Variants in GPR158 observed in about 807,000 individuals in gnomAD.
The protein encoded by GPR158 is metabotropic glycine receptor.
GPR158 carries 30 observed loss-of-function variants against 78.2 expected under a neutral mutation model. The ratio of observed to expected loss-of-function variants is 0.38; its 90% confidence interval spans 0.29 to 0.52. The LOEUF is 0.52. GPR158 is among the 20% of genes least tolerant of loss of function. The probability of loss-of-function intolerance (pLI) is 0.83; values close to 1 mark genes in which losing one functional copy is unlikely to be tolerated. For synonymous variants in GPR158, 581 were observed against 591.1 expected (o/e 0.98, Z 0.25); for missense variants, 1,463 against 1,523.5 (o/e 0.96, Z 0.66).
At chr10:25,299,409 C>T (rs1854560385) in intron 2 of GPR158, among the ~76,000 whole-genome samples, 1 of 152,140 alleles carries the variant, frequency 6.6e-6, no homozygotes, top group South Asian at 2.1e-4. Flanking sequence ...CCTGTTCTCC[C>T]ATCTCATTAA....
intron 5 of GPR158, among the ~76,000 whole-genome samples, chr10:25,469,545 G>C (rs1312252901): frequency 6.6e-6 from 1 of 152,062 alleles, no homozygotes; most frequent in African/African-American, 2.4e-5. Flanking sequence ...CAGCACTTTG[G>C]GAGGCCAAGT....
chr10:25,455,978 C>T (rs557109353), intron 4 of GPR158, among the ~76,000 whole-genome samples: 4 of 152,262 alleles, frequency 2.6e-5, no homozygotes, highest in East Asian at 3.9e-4. Flanking sequence ...TGAGGCAAAT[C>T]GGAATCCAAC....
intron 4 of GPR158, among the ~76,000 whole-genome samples, chr10:25,451,145 C>T (rs1204027968): frequency 1.3e-5 from 2 of 152,138 alleles, no homozygotes; most frequent in Non-Finnish European, 2.9e-5. Context: ...TGCAGATATG[C>T]ACACAAATCA....
chr10:25,361,209 A>T (rs1855634349), intron 2 of GPR158, among the ~76,000 whole-genome samples: 1 of 151,904 alleles, frequency 6.6e-6, no homozygotes, highest in African/African-American at 2.4e-5. Context: ...TGAGTGTCTT[A>T]TTTCACATAG....
intron 2 of GPR158, among the ~76,000 whole-genome samples, chr10:25,302,073 T>C (rs1854604755): frequency 6.7e-6 from 1 of 148,242 alleles, no homozygotes; most frequent in Non-Finnish European, 1.5e-5. Flanking sequence ...GTTCCTTTTT[T>C]TTTTTTTTTT....
At chr10:25,187,349 A>G (rs1201794423) in intron 1 of GPR158, among the ~76,000 whole-genome samples, 1 of 152,212 alleles carries the variant, frequency 6.6e-6, no homozygotes, top group Admixed American at 6.5e-5. Flanking sequence ...TTTTAGGCCA[A>G]TATCCCTGAT....
chr10:25,473,336 G>A (rs1272618653), intron 5 of GPR158, among the ~76,000 whole-genome samples: 2 of 152,130 alleles, frequency 1.3e-5, no homozygotes. Context: ...GCTTTTTGAT[G>A]TGCTGCTGGA....
At position 25,520,375 on chromosome 10, in the gene GPR158, G is replaced by A. The variant is rs1468158140; in HGVS notation, c.1405-30601G>A. 1.7e-3 allele frequency among the ~76,000 whole-genome samples: 245 copies of A among 147,430 alleles called. 6 individuals carry two copies. The highest frequency in any genetic ancestry group is 6.0e-3 in the African/African-American group (230 of 38,576). On this transcript the variant is annotated intron_variant, in intron 5 of 10. Coordinates refer to ENST00000376351, the MANE Select transcript of GPR158 (RefSeq NM_020752.3). ...ATCTGAAGCCTTCTTCTCTCAGCTC[G>A]TCAAAGTCATTCTCCATCCAGCTTT...
At chr10:25,555,851 A>G (rs1166801013) in intron 6 of GPR158, among the ~76,000 whole-genome samples, 2 of 152,054 alleles carry the variant, frequency 1.3e-5, no homozygotes, top group African/African-American at 4.8e-5. Flanking sequence ...CATTTCATGC[A>G]TTATTCAGTA....
At chr10:25,206,034 T>C (rs1017376237) in intron 1 of GPR158, among the ~76,000 whole-genome samples, 1 of 150,778 alleles carries the variant, frequency 6.6e-6, no homozygotes, top group Non-Finnish European at 1.5e-5. Flanking sequence ...TCACCCAGGC[T>C]GGAGTGCAGT....
At chr10:25,574,158 A>C (rs903629461) in intron 7 of GPR158, among the ~76,000 whole-genome samples, 5 of 150,378 alleles carry the variant, frequency 3.3e-5, no homozygotes, top group Non-Finnish European at 7.4e-5. Context: ...AAAAAAAAAA[A>C]AAAAAAAAAA....
chr10:25,336,186 G>A (rs1855203668), intron 2 of GPR158, among the ~76,000 whole-genome samples: 1 of 151,890 alleles, frequency 6.6e-6, no homozygotes, highest in South Asian at 2.1e-4. Flanking sequence ...TTTAACCTGT[G>A]TACATATCAT....
intron 5 of GPR158, among the ~76,000 whole-genome samples, chr10:25,521,106 C>G (rs1053675161): frequency 1.3e-5 from 2 of 152,234 alleles, no homozygotes; most frequent in African/African-American, 4.8e-5. Flanking sequence ...GCGCAGTATT[C>G]GGGCGGGAGT....
intron 4 of GPR158, among the ~76,000 whole-genome samples, chr10:25,441,063 C>A (rs567661802): frequency 6.6e-6 from 1 of 152,134 alleles, no homozygotes; most frequent in African/African-American, 2.4e-5. Context: ...AAGGCTATAA[C>A]CCTTGTGGGC....
At chr10:25,416,637 T>A (rs1253615555) in intron 4 of GPR158, among the ~76,000 whole-genome samples, 1 of 152,110 alleles carries the variant, frequency 6.6e-6, no homozygotes, top group Admixed American at 6.6e-5. Flanking sequence ...AAAGTTGTAA[T>A]ATAGGAATAA....
chr10:25,227,399 G>A (rs558791279), intron 2 of GPR158, among the ~76,000 whole-genome samples: 9 of 152,262 alleles, frequency 5.9e-5, no homozygotes, highest in East Asian at 1.9e-4. Context: ...CTTTCCCTGC[G>A]TACAGTTTCA....
At position 25,175,747 on chromosome 10, in the gene GPR158, G is replaced by C; in HGVS notation, c.327G>C (p.Pro109=). 6.2e-7 allele frequency: 1 copy of C among 1,611,382 alleles called. No individual in the cohort carries two copies. Among genetic ancestry groups the C allele is most frequent in the Middle Eastern group, 1.6e-4 (1 of 6,062 alleles). ...CSGRYELAGL[P]GKWPALASAH... Reference sequence around the variant, plus strand: ...GCCGCTACGAGTTGGCGGGCCTGCCGGGGAAGTGGCCAGCCCTGGCCAGCG... The same window carrying C: ...GCCGCTACGAGTTGGCGGGCCTGCCCGGGAAGTGGCCAGCCCTGGCCAGCG... The change falls in exon 1 of 11, where the codon CCG becomes CCC. Residue 109 remains proline (P), a synonymous_variant. Transcript: ENST00000376351. The surrounding 1 kb of genome is among the most constrained non-coding windows in gnomAD (Gnocchi z 6.4).
intron 1 of GPR158, among the ~76,000 whole-genome samples, chr10:25,189,838 G>C (rs1044273741): frequency 1.7e-5 from 2 of 115,986 alleles, no homozygotes; most frequent in Non-Finnish European, 3.6e-5. Flanking sequence ...GAAAGCATGT[G>C]TGTGTGTGTG....
At chr10:25,484,119 C>G (rs1429034625) in intron 5 of GPR158, among the ~76,000 whole-genome samples, 2 of 152,124 alleles carry the variant, frequency 1.3e-5, no homozygotes, top group Non-Finnish European at 2.9e-5. Context: ...TAACTTCTCC[C>G]ACCTAAAGCC....
Sources: gnomAD v4.1 joint callset for allele counts (sites outside exome capture counted in the v4.1 genomes callset) on GRCh38, gnomAD v4.1.1 for gene constraint, Gnocchi (gnomAD v3.1) non-coding constraint, MANE v1.5 for transcripts, NCBI Gene and HGNC (gene_info 2026-07-23, HGNC 2026-07-21) for gene names.